Variants in ANO4 observed in about 807,000 individuals in gnomAD.
The protein encoded by ANO4 is anoctamin 4.
A neutral mutation model predicts 141.9 loss-of-function variants in ANO4; 69 were observed. The observed-to-expected ratio is 0.49, with a 90% CI of 0.40 to 0.59. The LOEUF is 0.59. Ranked by LOEUF, ANO4 falls within the 20% of genes least tolerant of loss-of-function variation. The pLI, the probability that ANO4 is intolerant of heterozygous loss-of-function variation, is 0.00. For missense variants in ANO4, 894 were observed against 1,162.2 expected (o/e 0.77, Z 3.36); for synonymous variants, 350 against 394.3 (o/e 0.89, Z 1.33).
intron 1 of ANO4, among the ~76,000 whole-genome samples, chr12:100,798,926 G>A (rs2034514346): frequency 6.6e-6 from 1 of 152,176 alleles, no homozygotes; most frequent in Admixed American, 6.5e-5. Context: ...CTTATAGAAA[G>A]CAGACATAAT....
chr12:100,906,032 A>T (rs756541810), intron 2 of ANO4, among the ~76,000 whole-genome samples: 3 of 152,178 alleles, frequency 2.0e-5, no homozygotes, highest in Admixed American at 2.0e-4. Flanking sequence ...GAGAGGGGAA[A>T]TATGTTTGCC....
chr12:100,728,475 G>A (rs1450111827), intron 1 of ANO4, among the ~76,000 whole-genome samples: 1 of 152,080 alleles, frequency 6.6e-6, no homozygotes, highest in Non-Finnish European at 1.5e-5. Context: ...TCCTGTCTTT[G>A]CCTCTGCTCT....
intron 3 of ANO4, among the ~76,000 whole-genome samples, chr12:100,937,810 C>T (rs967796670): frequency 1.3e-5 from 2 of 152,106 alleles, no homozygotes; most frequent in Non-Finnish European, 2.9e-5. Context: ...TTTCTTGGCT[C>T]GTGGCCGCAT....
chr12:101,030,899 C>G (rs944874994), intron 9 of ANO4, among the ~76,000 whole-genome samples: 7 of 152,154 alleles, frequency 4.6e-5, no homozygotes, highest in Non-Finnish European at 1.0e-4. Context: ...AAGTTGAATC[C>G]CTGAATAGAC....
chr12:101,037,962 CTT>C (rs1371918593), intron 10 of ANO4, among the ~76,000 whole-genome samples: 1 of 152,190 alleles, frequency 6.6e-6, no homozygotes, highest in Non-Finnish European at 1.5e-5. Context: ...TGTCAATAGA[CTT>C]TGGAAGACGG....
chr12:101,105,406 T>C (rs540811236), intron 22 of ANO4, among the ~76,000 whole-genome samples: 2 of 152,354 alleles, frequency 1.3e-5, no homozygotes, highest in Admixed American at 6.5e-5. Flanking sequence ...GGCTATTTTG[T>C]AGACACTTTT....
In ANO4 at chr12:100,939,353, G is replaced by T. The variant is rs768011354; in HGVS notation, c.199G>T (p.Ala67Ser). The T allele has an allele frequency of 8.1e-6, 13 of 1,613,316 alleles. No homozygotes were observed. Among genetic ancestry groups the T allele is most frequent in the Non-Finnish European group, 1.1e-5 (13 of 1,179,522 alleles). ...CAATATTCTTTTTGATGAATTAGAA[G>T]CTGTCAGCAGTCCTTGCAAAGATGA... ...DVNILFDELE[A>S]VSSPCKDDDS... Residue 67 changes from alanine (A) to serine (S), a missense_variant, in exon 4 of 28, where the codon GCT becomes TCT. Ala to Ser is a moderately conservative substitution (Grantham distance 99, BLOSUM62 1). Around this residue, in one of 2 missense-constraint regions of ANO4, gnomAD observed 257 missense variants for 253.0 expected, o/e 1.02. Coordinates refer to ENST00000392977, the MANE Select transcript of ANO4 (RefSeq NM_001286615.2).
At chr12:100,996,174 C>T (rs891672612) in intron 8 of ANO4, among the ~76,000 whole-genome samples, 3 of 152,204 alleles carry the variant, frequency 2.0e-5, no homozygotes, top group East Asian at 3.8e-4. Context: ...ATGCATCACA[C>T]TTTTTAATTA....
intron 5 of ANO4, among the ~76,000 whole-genome samples, chr12:100,956,615 T>C (rs2043184558): frequency 6.6e-6 from 1 of 152,260 alleles, no homozygotes; most frequent in Non-Finnish European, 1.5e-5. Flanking sequence ...AGTAAATCAC[T>C]TTGGCATTCA....
intron 1 of ANO4, among the ~76,000 whole-genome samples, chr12:100,826,301 A>ATT (rs2036336960): frequency 2.2e-4 from 1 of 4,576 alleles, no homozygotes; most frequent in Admixed American, 3.8e-3. Context: ...AGAAAAAAAG[A>ATT]TGGAAAATGG....
intron 2 of ANO4, among the ~76,000 whole-genome samples, chr12:100,912,392 C>CAAAAA (rs35934592): frequency 1.0e-4 from 7 of 67,356 alleles, no homozygotes; most frequent in Admixed American, 1.8e-4. Context: ...AGGACTCTGT[C>CAAAAA]AAAAAAAAAA....
At chr12:100,773,558 T>C (rs569360015) in intron 3 of ANO4, among the ~76,000 whole-genome samples, 1 of 152,328 alleles carries the variant, frequency 6.6e-6, no homozygotes, top group South Asian at 2.1e-4. Flanking sequence ...GGGAAGGATC[T>C]TGTACTACAT....
chr12:100,934,568 A>G (rs1055246082), intron 3 of ANO4, among the ~76,000 whole-genome samples: 3 of 152,150 alleles, frequency 2.0e-5, no homozygotes, highest in Non-Finnish European at 2.9e-5. Flanking sequence ...TGTCTTGGCA[A>G]TGTGGGCTCT....
intron 3 of ANO4, among the ~76,000 whole-genome samples, chr12:100,762,525 A>G (rs2032911259): frequency 6.6e-6 from 1 of 152,192 alleles, no homozygotes; most frequent in African/African-American, 2.4e-5. Context: ...GCAGGTGACC[A>G]GAAGGATCAG....
At chr12:100,989,621 A>ATG (rs2044958441) in intron 8 of ANO4, among the ~76,000 whole-genome samples, 5 of 103,196 alleles carry the variant, frequency 4.8e-5, no homozygotes, top group African/African-American at 1.0e-4. Flanking sequence ...ATGGATGGAT[A>ATG]GATGGATGGA....
At chr12:100,889,631 T>C (rs1197293797) in intron 1 of ANO4, among the ~76,000 whole-genome samples, 1 of 152,068 alleles carries the variant, frequency 6.6e-6, no homozygotes, top group African/African-American at 2.4e-5. Context: ...AACAGACACA[T>C]GAAAAAATGC....
intron 1 of ANO4, among the ~76,000 whole-genome samples, chr12:100,797,761 C>A (rs1514787): frequency 0.76 from 115,633 of 152,022 alleles, 44,666 homozygotes; most frequent in East Asian, 0.94. Flanking sequence ...CCAAGTCTCC[C>A]TTTTAAAGTC....
In ANO4 at chr12:100,855,462, T is replaced by C. The variant is rs113145002; in HGVS notation, c.-140-46184T>C. 9.3e-3 allele frequency among the ~76,000 whole-genome samples: 1,418 copies of C among 152,264 alleles called. 22 individuals are homozygous for C. Among genetic ancestry groups the C allele is most frequent in the African/African-American group, 0.032 (1,330 of 41,562 alleles). On this transcript the variant is annotated intron_variant, in intron 1 of 27. Transcript: ENST00000392977. ...TGTTACAATCATGCCATATATTTAA[T>C]TTTGTGTTATAACTCTCTTCTGGTT...
chr12:100,959,796 G>T (rs184191892), intron 5 of ANO4, among the ~76,000 whole-genome samples: 1 of 152,130 alleles, frequency 6.6e-6, no homozygotes, highest in Non-Finnish European at 1.5e-5. Context: ...TCAAATATTA[G>T]TCTTTTAAGA....
Sources: allele counts gnomAD v4.1 joint callset (sites outside exome capture counted in the v4.1 genomes callset), GRCh38; gene constraint gnomAD v4.1.1; regional missense constraint gnomAD v4.1.1; transcripts MANE v1.5; gene names NCBI Gene and HGNC (gene_info 2026-07-23, HGNC 2026-07-21).